The following HIPK1 variants were observed in gnomAD, a reference collection of about 807,000 sequenced individuals.
The protein encoded by HIPK1 is homeodomain interacting protein kinase 1, also known as homeodomain-interacting protein kinase 1.
In HIPK1, 28 loss-of-function variants were observed where a neutral mutation model predicts 117.1. The observed-to-expected ratio is 0.24, with a 90% CI of 0.18 to 0.33. HIPK1 has a LOEUF of 0.33. Among genes scored for constraint, HIPK1 ranks in the 10% least tolerant of loss-of-function variants. The pLI is 1.00. For missense variants in HIPK1, 1,122 were observed against 1,475.1 expected (o/e 0.76, Z 3.92); for synonymous variants, 605 against 562.5 (o/e 1.08, Z -1.07).
rs142900823 is a variant in HIPK1, at chr1:113,934,439, C to T, written c.-3+4907C>T. Among the ~76,000 whole-genome samples the T allele has an allele frequency of 8.4e-3, 1,277 of 152,280 alleles. 7 individuals carry two copies. The highest frequency in any genetic ancestry group is 0.023 in the South Asian group (113 of 4,816). Reference sequence around the variant, plus strand: ...GCCAGGGAGTGGGAAAGTTGTTAATCTGTTTTTGAAAGCCTTGGATTCTAG... The same window carrying T: ...GCCAGGGAGTGGGAAAGTTGTTAATTTGTTTTTGAAAGCCTTGGATTCTAG... On this transcript the variant is annotated intron_variant, in intron 1 of 15. Transcript: ENST00000426820.
At chr1:113,969,880 C>G (rs888401177) in intron 13 of HIPK1, 76 bp from the exon 14 acceptor site, 3 of 1,536,704 alleles carry the variant, frequency 2.0e-6, no homozygotes, top group South Asian at 2.4e-5. Flanking sequence ...GCACTCCAGC[C>G]TGGGTGACAG....
In HIPK1 at chr1:113,973,683, T is replaced by A; in HGVS notation, c.*171T>A. The A allele has an allele frequency of 1.5e-6, 1 of 647,674 alleles. No homozygotes were observed. Among genetic ancestry groups the A allele is most frequent in the Non-Finnish European group, 2.5e-6 (1 of 401,112 alleles). 40.1% of individuals were successfully genotyped at this position (647,674 alleles called of 1,614,324 possible). ...TTTTCTCTGGGGGAACCTGTCTCAGTGTTGACTGCATTGTTGTAGTCTTCC... is the reference window on the plus strand; with the variant it reads ...TTTTCTCTGGGGGAACCTGTCTCAGAGTTGACTGCATTGTTGTAGTCTTCC... On this transcript the variant is annotated 3_prime_UTR_variant, in exon 16 of 16. Coordinates refer to ENST00000426820, the MANE Select transcript of HIPK1 (RefSeq NM_198268.3).
Position 113,966,201 on chromosome 1 carries a change from A to G in HIPK1, c.2310A>G (p.Leu770=), listed in dbSNP as rs369408537. The G allele has an allele frequency of 1.9e-6, 3 of 1,614,022 alleles. No individual in the cohort carries two copies. The African/African-American group carries it at 4.0e-5, about 22-fold the overall frequency. ...STWQQLPGVA[L]HNSVQPTAMI... is the part of the protein sequence containing the mutation. ...GGCAACAGTTGCCTGGGGTAGCTCTACACAACTCTGTCCAGCCCACAGCAA... is the reference window on the plus strand; with the variant it reads ...GGCAACAGTTGCCTGGGGTAGCTCTGCACAACTCTGTCCAGCCCACAGCAA... Residue 770 remains leucine (L), a synonymous_variant, in exon 11 of 16, where the codon CTA becomes CTG. Coordinates refer to ENST00000426820, the MANE Select transcript of HIPK1 (RefSeq NM_198268.3).
chr1:113,943,139 C>G (rs1670761018), intron 2 of HIPK1, among the ~76,000 whole-genome samples: 1 of 152,214 alleles, frequency 6.6e-6, no homozygotes, highest in East Asian at 1.9e-4. Context: ...TTTGGTACCA[C>G]TCATTGTGTT....
chr1:113,957,350 G>A (rs1167609947), intron 7 of HIPK1, 64 bp downstream of exon 7: 3 of 1,353,890 alleles, frequency 2.2e-6, no homozygotes, highest in East Asian at 2.3e-5. Context: ...AGAATACAGG[G>A]CAAGGTAAAG....
intron 15 of HIPK1, chr1:113,972,176 C>T: frequency 2.3e-6 from 3 of 1,307,814 alleles, no homozygotes; most frequent in Non-Finnish European, 3.1e-6. Flanking sequence ...TCAGACCTCC[C>T]TAAGTCTACC....
chr1:113,959,744 T>C (rs567493969), intron 8 of HIPK1, among the ~76,000 whole-genome samples: 1 of 152,286 alleles, frequency 6.6e-6, no homozygotes, highest in South Asian at 2.1e-4. Flanking sequence ...ATAAATAACC[T>C]GAGGAGTTAT....
chr1:113,935,932 T>TTTG (rs935752792), intron 1 of HIPK1, among the ~76,000 whole-genome samples: 17 of 152,170 alleles, frequency 1.1e-4, no homozygotes, highest in Admixed American at 1.0e-3. Flanking sequence ...TAATTCTGTT[T>TTTG]TTGTTGTTGT....
chr1:113,933,263 T>C, intron 1 of HIPK1: 1 of 889,118 alleles, frequency 1.1e-6, no homozygotes, highest in Non-Finnish European at 1.3e-6. Context: ...AAGAAAAGCC[T>C]AAGGGGGAAA....
chr1:113,968,321 A>G, intron 12 of HIPK1, 121 bp from the exon 13 acceptor site: 1 of 755,216 alleles, frequency 1.3e-6, no homozygotes, highest in Non-Finnish European at 2.3e-6. Context: ...AGTTAAATGT[A>G]TTTGCTTAAT....
chr1:113,954,781 C>A lies in HIPK1; in HGVS notation c.1320+11C>A. ...CTGTGGAGGCTTAAGGTCTGTCTTC[C>A]CTACTATGCTTCCGACTCCTGTACT... On this transcript the variant is annotated intron_variant, in intron 4 of 15. Transcript: ENST00000426820. 1.2e-6 allele frequency: 2 copies of A among 1,611,452 alleles called. No homozygotes were observed. The highest frequency in any genetic ancestry group is 2.2e-5 in the South Asian group (2 of 90,944).
At chr1:113,969,415 C>T (rs116554799) in intron 13 of HIPK1, among the ~76,000 whole-genome samples, 339 of 152,262 alleles carry the variant, frequency 2.2e-3, no homozygotes, top group African/African-American at 7.9e-3. Context: ...GTTTCCTCAT[C>T]TGCAAAATGG....
At position 113,957,248 on chromosome 1, in the gene HIPK1, A is replaced by G. The variant is rs747181548; in HGVS notation, c.1717A>G (p.Met573Val). ...CCCAAATACAAGCACAAATCTAACC[A>G]TGAGCTTCAGCAATCAGCTCAATAC... The part of the protein sequence containing the change: ...VAPNTSTNLT[M>V]SFSNQLNTVH... Residue 573 changes from methionine to valine, a missense_variant, in exon 7 of 16, where the codon ATG (methionine) becomes GTG (valine). Met to Val is a conservative substitution (Grantham distance 21, BLOSUM62 1). Coordinates refer to ENST00000426820, the MANE Select transcript of HIPK1 (RefSeq NM_198268.3). 2 of 1,613,986 alleles carry G rather than the reference A, an allele frequency of 1.2e-6. No homozygotes were observed. The highest frequency in any genetic ancestry group is 1.7e-6 in the Non-Finnish European group (2 of 1,179,844).
intron 1 of HIPK1, chr1:113,933,215 T>A (rs1670014942): frequency 1.0e-5 from 10 of 984,416 alleles, no homozygotes; most frequent in Non-Finnish European, 1.2e-5. Flanking sequence ...AGAAGTGAGC[T>A]TTAAGCAGAG....
intron 15 of HIPK1, among the ~76,000 whole-genome samples, chr1:113,972,424 G>A (rs1030282824): frequency 1.3e-5 from 2 of 152,058 alleles, no homozygotes; most frequent in Non-Finnish European, 2.9e-5. Context: ...CCCACTCTCC[G>A]AACACCCCCA....
intron 8 of HIPK1, among the ~76,000 whole-genome samples, chr1:113,959,967 A>G (rs1171038971): frequency 1.3e-5 from 2 of 152,186 alleles, no homozygotes; most frequent in African/African-American, 4.8e-5. Context: ...CATATGCCCA[A>G]AGTCCTATAA....
Position 113,974,610 on chromosome 1 carries a change from A to G in HIPK1, c.*1098A>G, listed in dbSNP as rs1042970747. 1.3e-5 allele frequency: 2 copies of G among 152,800 alleles called. No homozygotes were observed. Among genetic ancestry groups the G allele is most frequent in the Admixed American group, 1.3e-4 (2 of 15,290 alleles). 9.5% of individuals were successfully genotyped at this position (152,800 alleles called of 1,614,324 possible). A position where few individuals can be genotyped will look rare whatever the true frequency, so the allele number is the denominator to read the frequency against. On this transcript the variant is annotated 3_prime_UTR_variant, in exon 16 of 16. Coordinates refer to ENST00000426820, the MANE Select transcript of HIPK1 (RefSeq NM_198268.3). ...GTGTATAGCTTTTATACTTCAAAGT[A>G]GCTTCCTTTGTATGCCAGCAGCAAA...
chr1:113,957,998 T>C, intron 7 of HIPK1, 68 bp from the exon 8 acceptor site: 1 of 1,128,026 alleles, frequency 8.9e-7, no homozygotes, highest in East Asian at 2.4e-5. Context: ...GGATAAATTC[T>C]GTATATATAA....
chr1:113,966,062 TAAAA>T (rs1209439243), intron 10 of HIPK1, 64 bp from the exon 11 acceptor site: 1 of 1,499,534 alleles, frequency 6.7e-7, no homozygotes, highest in Admixed American at 2.1e-5. Context: ...TTTCTTTCTT[TAAAA>T]AAACAGAAGA....
Sources: allele counts gnomAD v4.1 joint callset (sites outside exome capture counted in the v4.1 genomes callset), GRCh38; gene constraint gnomAD v4.1.1; transcripts MANE v1.5; gene names NCBI Gene and HGNC (gene_info 2026-07-23, HGNC 2026-07-21).